The following POFUT3 variants were observed in gnomAD, a reference collection of about 807,000 sequenced individuals.
The protein encoded by POFUT3 is GDP-fucose protein O-fucosyltransferase 3.
the POFUT3 span, among the ~76,000 whole-genome samples, chr8:33,324,271 C>G: frequency 2.6e-5 from 4 of 152,138 alleles, no homozygotes; most frequent in African/African-American, 9.7e-5. Context: ...ACTGGGTGCC[C>G]AGGAGGTAGA....
chr8:33,395,192 G>A, the POFUT3 span, among the ~76,000 whole-genome samples: 1 of 152,170 alleles, frequency 6.6e-6, no homozygotes, highest in South Asian at 2.1e-4. Context: ...CTACCCTCAA[G>A]CCTGGACCCT....
At chr8:33,380,041 A>C in the POFUT3 span, among the ~76,000 whole-genome samples, 4,958 of 55,940 alleles carry the variant, frequency 0.089, 663 homozygotes, top group East Asian at 0.29. Context: ...TATATATACG[A>C]TATATATACA....
At chr8:33,359,220 T>C in the POFUT3 span, among the ~76,000 whole-genome samples, 988 of 152,304 alleles carry the variant, frequency 6.5e-3, 3 homozygotes, top group Non-Finnish European at 9.8e-3. Context: ...TCAAGTGTTA[T>C]TTATAGTATT....
At chr8:33,384,746 G>A in the POFUT3 span, among the ~76,000 whole-genome samples, 74 of 152,146 alleles carry the variant, frequency 4.9e-4, no homozygotes, top group African/African-American at 1.5e-3. Context: ...ATTTGAACCC[G>A]GGAGGCAGAG....
At chr8:33,383,134 C>T in the POFUT3 span, among the ~76,000 whole-genome samples, 2 of 152,118 alleles carry the variant, frequency 1.3e-5, no homozygotes, top group Non-Finnish European at 2.9e-5. Context: ...GAACCAATCA[C>T]TCCCACTTAA....
chr8:33,465,415 C>T, the POFUT3 span, among the ~76,000 whole-genome samples: 34 of 113,484 alleles, frequency 3.0e-4, 1 homozygote, highest in African/African-American at 1.2e-3. Context: ...TACACACATA[C>T]ATACATATAT....
chr8:33,470,074 T>G, the POFUT3 span, among the ~76,000 whole-genome samples: 1 of 151,710 alleles, frequency 6.6e-6, no homozygotes, highest in South Asian at 2.1e-4. Flanking sequence ...ATTACAGGTG[T>G]GAGCCATGGC....
At chr8:33,331,663 TTTGTTG>T in the POFUT3 span, among the ~76,000 whole-genome samples, 2 of 151,300 alleles carry the variant, frequency 1.3e-5, no homozygotes, top group Admixed American at 6.6e-5. Flanking sequence ...CTCTAAAGAT[TTTGTTG>T]TTGTTGTTGT....
At chr8:33,436,711 G>T in the POFUT3 span, 1 of 734,642 alleles carries the variant, frequency 1.4e-6, no homozygotes, top group South Asian at 1.7e-5. Flanking sequence ...CCTGACCACA[G>T]CTAGCACAGA....
the POFUT3 span, among the ~76,000 whole-genome samples, chr8:33,319,818 AGAGCTTTCAGGCTTTCAGGCCAGCTCC>A: frequency 2.2e-5 from 3 of 137,444 alleles, no homozygotes; most frequent in Non-Finnish European, 4.5e-5. Flanking sequence ...CACTGGTTGA[AGAGCTTTCAGGCTTTCAGGCCAGCTCC>A]TGAGGCATAG....
At chr8:33,380,722 G>A in the POFUT3 span, among the ~76,000 whole-genome samples, 11 of 151,698 alleles carry the variant, frequency 7.3e-5, no homozygotes, top group South Asian at 4.2e-4. Context: ...CTGTAGTCCC[G>A]GCTACTCAGG....
At chr8:33,379,955 A>ACC in the POFUT3 span, among the ~76,000 whole-genome samples, 3 of 109,390 alleles carry the variant, frequency 2.7e-5, no homozygotes, top group African/African-American at 1.2e-4. Flanking sequence ...CCCTATATAT[A>ACC]CTATATATAC....
At chr8:33,361,752 T>G in the POFUT3 span, among the ~76,000 whole-genome samples, 863 of 152,310 alleles carry the variant, frequency 5.7e-3, 9 homozygotes, top group African/African-American at 0.02. Flanking sequence ...TTCTGAGTAA[T>G]GCAAAATAAT....
the POFUT3 span, among the ~76,000 whole-genome samples, chr8:33,398,851 T>C: frequency 1.3e-5 from 2 of 152,194 alleles, no homozygotes; most frequent in South Asian, 2.1e-4. Flanking sequence ...ATAAGGATGA[T>C]GTGAGGAGGT....
chr8:33,394,872 G>T, the POFUT3 span, among the ~76,000 whole-genome samples: 1 of 152,134 alleles, frequency 6.6e-6, no homozygotes, highest in Admixed American at 6.6e-5. Context: ...TTTAGCCCAA[G>T]ATTACAGTAC....
the POFUT3 span, among the ~76,000 whole-genome samples, chr8:33,346,163 G>GAAA: frequency 1.1e-3 from 149 of 138,392 alleles, no homozygotes; most frequent in African/African-American, 3.4e-3. Flanking sequence ...GCAGTGGAAA[G>GAAA]AAAAAAAAAA....
At chr8:33,354,955 T>G in the POFUT3 span, among the ~76,000 whole-genome samples, 2 of 152,228 alleles carry the variant, frequency 1.3e-5, no homozygotes, top group Non-Finnish European at 2.9e-5. Flanking sequence ...ATCCCAACAG[T>G]ACTTTTTTCT....
the POFUT3 span, among the ~76,000 whole-genome samples, chr8:33,432,246 C>A: frequency 0.012 from 1,891 of 151,978 alleles, 41 homozygotes; most frequent in African/African-American, 0.043. Flanking sequence ...CCCGTCTCTA[C>A]TAAAAACACA....
chr8:33,410,154 C>A, the POFUT3 span, among the ~76,000 whole-genome samples: 9 of 152,006 alleles, frequency 5.9e-5, no homozygotes, highest in South Asian at 4.2e-4. Flanking sequence ...AGGAAGTGTC[C>A]GAGAGTTGAC....
Sources: gnomAD v4.1 joint callset for allele counts (sites outside exome capture counted in the v4.1 genomes callset) on GRCh38, gnomAD v4.1.1 for gene constraint, MANE v1.5 for transcripts, NCBI Gene and HGNC (gene_info 2026-07-23, HGNC 2026-07-21) for gene names.